The following NCKAP5 variants were observed in gnomAD, a reference collection of about 807,000 sequenced individuals.
NCKAP5 encodes nck-associated protein 5.
A neutral mutation model predicts 167.0 loss-of-function variants in NCKAP5; 92 were observed. That is an observed-to-expected ratio of 0.55 (90% CI 0.47 to 0.66). The LOEUF is 0.66. Among genes scored for constraint, NCKAP5 ranks in the 30% least tolerant of loss-of-function variants. The pLI, the probability that NCKAP5 is intolerant of heterozygous loss-of-function variation, is 0.00. For synonymous variants in NCKAP5, 891 were observed against 877.4 expected, an observed-to-expected ratio of 1.02 and a Z score of -0.27; for missense variants, 2,378 against 2,315.0, an observed-to-expected ratio of 1.03 and a Z score of -0.56.
At chr2:132,723,349 A>C (rs932134051) in intron 19 of NCKAP5, among the ~76,000 whole-genome samples, 1 of 151,528 alleles carries the variant, frequency 6.6e-6, no homozygotes, top group Non-Finnish European at 1.5e-5. Flanking sequence ...TTTTTAGTAG[A>C]GACGGGGTTT....
chr2:133,662,215 T>A, the NCKAP5 span, among the ~76,000 whole-genome samples: 11 of 152,266 alleles, frequency 7.2e-5, no homozygotes, highest in African/African-American at 2.6e-4. Flanking sequence ...TTACTTTGCA[T>A]GGGTTGATGA....
chr2:133,269,342 T>G (rs62179967), intron 4 of NCKAP5, among the ~76,000 whole-genome samples: 16,282 of 152,060 alleles, frequency 0.11, 1,004 homozygotes, highest in East Asian at 0.18. Flanking sequence ...ATCAGTGCAA[T>G]AGAGAAAAAT....
intron 3 of NCKAP5, among the ~76,000 whole-genome samples, chr2:133,379,982 T>G (rs1487232109): frequency 6.6e-6 from 1 of 152,202 alleles, no homozygotes; most frequent in African/African-American, 2.4e-5. Context: ...AATATATAAC[T>G]GTCAAAAAGC....
Position 132,725,631 on chromosome 2 carries a change from G to A in NCKAP5, c.5709C>T (p.Ala1903=). The A allele has an allele frequency of 1.9e-6, 3 of 1,609,012 alleles. No homozygotes were observed. The highest frequency in any genetic ancestry group is 1.7e-4 in the Middle Eastern group (1 of 6,052). The change falls in exon 19 of 20, where the codon GCC becomes GCT. Residue 1903 remains alanine, a synonymous_variant. Transcript: ENST00000409261. ...GQLVKALKSA[A]PEIETT ...AGCAAGTTCGCTGGTTGTTACCTGGGGCAGCGCTCTTCAGTGCTTTCACTA... is the reference window on the plus strand; with the variant it reads ...AGCAAGTTCGCTGGTTGTTACCTGGAGCAGCGCTCTTCAGTGCTTTCACTA...
At chr2:133,069,229 A>G (rs2149544686) in intron 6 of NCKAP5, among the ~76,000 whole-genome samples, 1 of 152,358 alleles carries the variant, frequency 6.6e-6, no homozygotes, top group Admixed American at 6.5e-5. Flanking sequence ...AATCCCTTCC[A>G]GCCCAAATAG....
intron 6 of NCKAP5, among the ~76,000 whole-genome samples, chr2:133,124,610 T>C (rs995759705): frequency 6.6e-6 from 1 of 152,256 alleles, no homozygotes; most frequent in Non-Finnish European, 1.5e-5. Flanking sequence ...AAGTCCTCTT[T>C]ATTTACAGCT....
the NCKAP5 span, among the ~76,000 whole-genome samples, chr2:133,660,765 C>A: frequency 6.6e-6 from 1 of 151,958 alleles, no homozygotes; most frequent in Non-Finnish European, 1.5e-5. Flanking sequence ...ATGGAATATG[C>A]CTCTGTCTAT....
rs1269176892 is a variant in NCKAP5 at position 133,380,827 on chromosome 2, G to A, written c.70-77717C>T. ...AACTTGGAGAAGCACCAGTTTAGAA[G>A]ACTAACCCCTGAGTTCCTGCATGAT... On this transcript the variant is annotated intron_variant, in intron 3 of 19. Coordinates refer to ENST00000409261, the MANE Select transcript of NCKAP5 (RefSeq NM_207363.3). Among the ~76,000 whole-genome samples, 5 of 152,192 alleles carry A rather than the reference G, an allele frequency of 3.3e-5. No individual in the cohort carries two copies. The East Asian group carries it at 9.6e-4, about 29-fold the overall frequency.
chr2:132,792,993 T>C (rs1368735756), intron 12 of NCKAP5, among the ~76,000 whole-genome samples: 1 of 151,998 alleles, frequency 6.6e-6, no homozygotes, highest in Non-Finnish European at 1.5e-5. Context: ...CTTGAGATGC[T>C]CTGTTTTGTT....
At chr2:133,206,939 G>A (rs541475881) in intron 5 of NCKAP5, among the ~76,000 whole-genome samples, 24 of 152,238 alleles carry the variant, frequency 1.6e-4, no homozygotes, top group African/African-American at 5.5e-4. Context: ...CTAGGATTGG[G>A]AAATTCCAGC....
chr2:133,587,684 A>G, the NCKAP5 span, among the ~76,000 whole-genome samples: 1 of 152,208 alleles, frequency 6.6e-6, no homozygotes, highest in Admixed American at 6.5e-5. Context: ...TTTACTTGGC[A>G]TCTTCCTTCC....
chr2:133,259,548 G>C (rs2088800749), intron 4 of NCKAP5, among the ~76,000 whole-genome samples: 1 of 152,158 alleles, frequency 6.6e-6, no homozygotes, highest in Non-Finnish European at 1.5e-5. Flanking sequence ...AAATCTCAGA[G>C]TAATGTAATT....
chr2:133,324,219 C>T (rs376894380), intron 3 of NCKAP5, among the ~76,000 whole-genome samples: 5 of 152,324 alleles, frequency 3.3e-5, no homozygotes, highest in African/African-American at 1.2e-4. Flanking sequence ...CAAACAGATG[C>T]ATTCTACCTC....
At chr2:133,551,647 G>T (rs1254516881) in intron 2 of NCKAP5, among the ~76,000 whole-genome samples, 1 of 67,062 alleles carries the variant, frequency 1.5e-5, no homozygotes, top group Non-Finnish European at 2.8e-5. Context: ...AACCCTAGAA[G>T]AAAACCTAGG....
At chr2:132,983,335 C>T (rs1284957108) in intron 7 of NCKAP5, among the ~76,000 whole-genome samples, 1 of 152,090 alleles carries the variant, frequency 6.6e-6, no homozygotes, top group Non-Finnish European at 1.5e-5. Context: ...CAAGGACTTC[C>T]AGAACTATGT....
At chr2:132,918,856 T>C (rs1695090617) in intron 8 of NCKAP5, among the ~76,000 whole-genome samples, 1 of 152,216 alleles carries the variant, frequency 6.6e-6, no homozygotes, top group Non-Finnish European at 1.5e-5. Context: ...ATCTGATGCC[T>C]AAAGGCTTTT....
chr2:132,850,392 G>A (rs1688984332), intron 11 of NCKAP5, among the ~76,000 whole-genome samples: 2 of 152,236 alleles, frequency 1.3e-5, no homozygotes, highest in Admixed American at 6.5e-5. Context: ...ATTTGGAAGT[G>A]AGGGCCTAAG....
rs3051212 is a variant in NCKAP5 at position 133,102,744 on chromosome 2, AACACACACACAC to A, written c.341+27222_341+27233del. On this transcript the variant is annotated intron_variant, in intron 6 of 19. Coordinates refer to ENST00000409261, the MANE Select transcript of NCKAP5 (RefSeq NM_207363.3). ...AACTGACAGGTTAGACAAGCATGTA[AACACACACACAC>A]ACACACACACACACACACACACACA... 6.1e-3 allele frequency among the ~76,000 whole-genome samples: 830 copies of A among 135,206 alleles called. 7 individuals are homozygous for A. The highest frequency in any genetic ancestry group is 0.021 in the African/African-American group (774 of 37,352). The allele number at this position is 135,206 out of a possible 152,430, so 88.7% of individuals were successfully genotyped here.
intron 6 of NCKAP5, among the ~76,000 whole-genome samples, chr2:133,090,441 G>A (rs1308646108): frequency 6.6e-6 from 1 of 151,976 alleles, no homozygotes; most frequent in African/African-American, 2.4e-5. Flanking sequence ...GAGGCAGTGG[G>A]AGACCATGGA....
Sources: allele counts gnomAD v4.1 joint callset (sites outside exome capture counted in the v4.1 genomes callset), GRCh38; gene constraint gnomAD v4.1.1; transcripts MANE v1.5; gene names NCBI Gene and HGNC (gene_info 2026-07-23, HGNC 2026-07-21).